THSD4: variants seen among roughly 807,000 people sequenced by gnomAD.
THSD4 encodes the protein thrombospondin type 1 domain containing 4, also known as thrombospondin type-1 domain-containing protein 4.
Under a neutral mutation model 119.0 loss-of-function variants are expected in THSD4, and 69 were observed. The observed-to-expected ratio is 0.58, with a 90% confidence interval of 0.48 to 0.71. The LOEUF is 0.71. Ranked by LOEUF, THSD4 falls within the 30% of genes least tolerant of loss-of-function variation. THSD4 has a pLI of 0.00. For missense variants in THSD4, 1,393 were observed against 1,391.1 expected, an observed-to-expected ratio of 1.00 and a Z score of -0.02; for synonymous variants, 524 against 540.4, an observed-to-expected ratio of 0.97 and a Z score of 0.42.
chr15:71,182,344 C>A (rs1246564930), intron 3 of THSD4, among the ~76,000 whole-genome samples: 1 of 151,676 alleles, frequency 6.6e-6, no homozygotes, highest in Admixed American at 6.6e-5. Context: ...AGTGTCTGAA[C>A]AAACTCTACT....
rs374330027 is a variant in THSD4 at position 71,263,167 on chromosome 15, G to A, written c.1015+6452G>A. ...CAGTGTGTGTTGTTCCCCTGTCTGT[G>A]TCCATGTGTTCTCTTCATTTAGCTC... On this transcript the variant is annotated intron_variant, in intron 6 of 17. Coordinates refer to ENST00000261862, the MANE Select transcript of THSD4 (RefSeq NM_024817.3). Among the ~76,000 whole-genome samples, 229 of 151,918 alleles carry A rather than the reference G, an allele frequency of 1.5e-3. 12 individuals are homozygous for A. The South Asian group carries it at 0.046, about 30-fold the overall frequency.
intron 3 of THSD4, among the ~76,000 whole-genome samples, chr15:71,210,764 GA>G (rs1196494430): frequency 1.3e-5 from 2 of 151,972 alleles, no homozygotes; most frequent in African/African-American, 4.8e-5. Flanking sequence ...TTAATATAGT[GA>G]AAAAATATAT....
chr15:71,238,138 A>G (rs916238439), intron 4 of THSD4, among the ~76,000 whole-genome samples: 5 of 152,150 alleles, frequency 3.3e-5, no homozygotes, highest in African/African-American at 1.2e-4. Context: ...AAAATCACAC[A>G]TGATGCTCAA....
chr15:71,353,890 G>A (rs965760942), intron 6 of THSD4, among the ~76,000 whole-genome samples: 6 of 152,224 alleles, frequency 3.9e-5, no homozygotes, highest in African/African-American at 1.4e-4. Context: ...TATGGGAACA[G>A]ATAAGGTTAT....
At chr15:71,341,035 T>C in intron 6 of THSD4, 1 of 705,974 alleles carries the variant, frequency 1.4e-6, no homozygotes, top group Non-Finnish European at 2.4e-6. Flanking sequence ...TGTCTTGCAT[T>C]TCCTCTCTCT....
intron 7 of THSD4, among the ~76,000 whole-genome samples, chr15:71,471,904 A>G (rs554022195): frequency 3.9e-5 from 6 of 152,084 alleles, no homozygotes; most frequent in African/African-American, 1.2e-4. Flanking sequence ...ATGTGAGCTT[A>G]AGTACATTGG....
At chr15:71,224,740 G>A (rs1335904194) in intron 4 of THSD4, among the ~76,000 whole-genome samples, 1 of 152,074 alleles carries the variant, frequency 6.6e-6, no homozygotes, top group African/African-American at 2.4e-5. Flanking sequence ...GCATTGGCTC[G>A]TGGCCCCTCC....
rs558768820 is a variant in THSD4, at chr15:71,265,717, C to G, written c.1015+9002C>G. Among the ~76,000 whole-genome samples the G allele has an allele frequency of 5.9e-5, 9 of 152,298 alleles. No individual in the cohort carries two copies. The South Asian group carries it at 1.9e-3, about 32-fold the overall frequency. ...CTAAGATCCACTGGCTTGAAATTCT[C>G]GCTGCGCGCACAGCAGTCTGAAGTC... On this transcript the variant is annotated intron_variant, in intron 6 of 17. Transcript: ENST00000261862.
At chr15:71,647,262 G>C (rs2050988426) in intron 7 of THSD4, among the ~76,000 whole-genome samples, 1 of 152,178 alleles carries the variant, frequency 6.6e-6, no homozygotes, top group Non-Finnish European at 1.5e-5. Flanking sequence ...ATCTGCTATT[G>C]CCCTACCTTT....
At chr15:71,341,101 C>G (rs527853983) in intron 6 of THSD4, 986 of 1,102,330 alleles carry the variant, frequency 8.9e-4, no homozygotes, top group Non-Finnish European at 1.2e-3. Flanking sequence ...TCTCTTCTGT[C>G]TTCCCTCTCT....
intron 17 of THSD4, among the ~76,000 whole-genome samples, chr15:71,773,213 AAAGAAAAAG>A (rs1337261711): frequency 4.7e-4 from 66 of 141,612 alleles, no homozygotes; most frequent in African/African-American, 1.2e-3. Context: ...AAAAAAAAAA[AAAGAAAAAG>A]AAAAAAGAAA....
At chr15:71,237,201 A>T (rs1326053877) in intron 4 of THSD4, among the ~76,000 whole-genome samples, 2 of 152,112 alleles carry the variant, frequency 1.3e-5, no homozygotes, top group African/African-American at 4.8e-5. Context: ...TCTTCAGGGG[A>T]TGGTGGTACT....
rs573112648 is a variant in THSD4 at position 71,347,292 on chromosome 15, C to T, written c.1016-64395C>T. Among the ~76,000 whole-genome samples, 135 of 152,206 alleles carry T rather than the reference C, an allele frequency of 8.9e-4. 4 individuals carry two copies. The South Asian group carries it at 0.027, about 30-fold the overall frequency. On this transcript the variant is annotated intron_variant, in intron 6 of 17. Coordinates refer to ENST00000261862, the MANE Select transcript of THSD4 (RefSeq NM_024817.3). Reference sequence around the variant, plus strand: ...CCGTCACCCTGAATGTAATCAATTTCACATCACCACTGTCCCCCTGCCCTA... The same window carrying T: ...CCGTCACCCTGAATGTAATCAATTTTACATCACCACTGTCCCCCTGCCCTA...
chr15:71,765,188 G>T lies in THSD4; in HGVS notation c.2758G>T (p.Glu920Ter). 1 of 1,613,872 alleles carries T rather than the reference G, an allele frequency of 6.2e-7. No homozygotes were observed. Among genetic ancestry groups the T allele is most frequent in the Non-Finnish European group, 8.5e-7 (1 of 1,179,864 alleles). Reference protein sequence around the residue: ...KPCGAKWFSTEWSMCSKSCQG... With the variant: ...KPCGAKWFST ...TTGCGGAGCCAAATGGTTTAGCACC[G>T]AATGGAGCATGGTAAGTCATGGTGC... The change falls in exon 16 of 18, where the codon GAA becomes TAA. Residue 920 changes from glutamate to a stop codon, truncating the protein, a stop_gained. Coordinates refer to ENST00000261862, the MANE Select transcript of THSD4 (RefSeq NM_024817.3). LOFTEE classifies it high-confidence loss of function.
chr15:71,368,341 A>G (rs1260540029), intron 6 of THSD4, among the ~76,000 whole-genome samples: 1 of 152,150 alleles, frequency 6.6e-6, no homozygotes, highest in Non-Finnish European at 1.5e-5. Context: ...TTGGTGTTTT[A>G]GACATGAAGT....
intron 6 of THSD4, among the ~76,000 whole-genome samples, chr15:71,284,304 G>A (rs1237242387): frequency 6.6e-6 from 1 of 152,146 alleles, no homozygotes; most frequent in African/African-American, 2.4e-5. Context: ...GAGTGCTAAT[G>A]CTACATTATA....
chr15:71,437,878 G>C (rs142576296), intron 7 of THSD4, among the ~76,000 whole-genome samples: 2 of 152,340 alleles, frequency 1.3e-5, no homozygotes, highest in African/African-American at 4.8e-5. Flanking sequence ...TTGCCAGTCT[G>C]ATAAGGGGAA....
chr15:71,419,173 G>T, intron 7 of THSD4, among the ~76,000 whole-genome samples: 1 of 96,274 alleles, frequency 1.0e-5, no homozygotes. Flanking sequence ...TTTCTGCTCT[G>T]ATCTTTATTA....
At position 71,586,702 on chromosome 15, in the gene THSD4, A is replaced by G. The variant is rs2140861290; in HGVS notation, c.1153-73828A>G. 4.6e-5 allele frequency among the ~76,000 whole-genome samples: 7 copies of G among 152,316 alleles called. No individual in the cohort carries two copies. The South Asian group carries it at 1.4e-3, about 32-fold the overall frequency. On this transcript the variant is annotated intron_variant, in intron 7 of 17. Coordinates refer to ENST00000261862, the MANE Select transcript of THSD4 (RefSeq NM_024817.3). Reference sequence around the variant, plus strand: ...TTCTGAAGGTCAACTGTGCCATTTAACATAACCTAATTGTGGGAGCAAACT... The same window carrying G: ...TTCTGAAGGTCAACTGTGCCATTTAGCATAACCTAATTGTGGGAGCAAACT...
Sources: allele counts gnomAD v4.1 joint callset (sites outside exome capture counted in the v4.1 genomes callset), GRCh38; gene constraint gnomAD v4.1.1; transcripts MANE v1.5; gene names NCBI Gene and HGNC (gene_info 2026-07-23, HGNC 2026-07-21).